The following DMD variants were observed in gnomAD, a reference collection of about 807,000 sequenced individuals.
The protein encoded by DMD is dystrophin.
A neutral mutation model predicts 330.1 loss-of-function variants in DMD; 63 were observed. That is an observed-to-expected ratio of 0.19 (90% CI 0.16 to 0.24). The LOEUF is 0.24. DMD is among the 10% of genes least tolerant of loss of function. The probability of loss-of-function intolerance (pLI) is 1.00; values close to 1 mark genes in which losing one functional copy is unlikely to be tolerated. For synonymous variants in DMD, 1,223 were observed against 959.8 expected (o/e 1.27, Z -5.07); for missense variants, 3,344 against 2,684.1 (o/e 1.25, Z -5.43).
At chrX:32,189,644 A>G (rs1257124417) in intron 44 of DMD, among the ~76,000 whole-genome samples, 1 of 106,807 alleles carries the variant, frequency 9.4e-6, no homozygotes, top group African/African-American at 3.4e-5. Flanking sequence ...TTTTTTTCCT[A>G]TATAACCACA....
At chrX:32,681,803 G>A (rs1322222634) in intron 9 of DMD, among the ~76,000 whole-genome samples, 1 of 111,741 alleles carries the variant, frequency 8.9e-6, no homozygotes, top group Non-Finnish European at 1.9e-5. Context: ...CTACAATGAG[G>A]AAAAAAATTA....
At chrX:33,112,466 G>A (rs977908737) in intron 1 of DMD, among the ~76,000 whole-genome samples, 2 of 111,500 alleles carry the variant, frequency 1.8e-5, no homozygotes, top group Admixed American at 9.6e-5. Context: ...TTCAAAGAGA[G>A]TCTATAACGC....
intron 1 of DMD, among the ~76,000 whole-genome samples, chrX:33,144,139 T>C (rs1356300196): frequency 9.0e-6 from 1 of 111,730 alleles, no homozygotes; most frequent in East Asian, 2.8e-4. Flanking sequence ...TTAAGCAAAT[T>C]TTAGAAATAA....
intron 61 of DMD, among the ~76,000 whole-genome samples, chrX:31,335,606 T>C (rs1601943465): frequency 8.9e-6 from 1 of 111,963 alleles, no homozygotes; most frequent in Non-Finnish European, 1.9e-5. Flanking sequence ...CCCAAAGTCC[T>C]TACCTATTAA....
intron 8 of DMD, 79 bp from the exon 9 acceptor site, chrX:32,698,077 A>T (rs1207207043): frequency 7.3e-5 from 74 of 1,016,293 alleles, no homozygotes; most frequent in Non-Finnish European, 9.4e-5. Context: ...ACTTTCCAAC[A>T]TGGTAGAAAA....
At chrX:32,126,282 T>G (rs1279460038) in intron 44 of DMD, among the ~76,000 whole-genome samples, 3 of 112,125 alleles carry the variant, frequency 2.7e-5, no homozygotes, top group African/African-American at 9.7e-5. Flanking sequence ...GCAGTCCAAG[T>G]TGATTAGGTA....
intron 2 of DMD, among the ~76,000 whole-genome samples, chrX:33,001,730 TATGA>T (rs67588758): frequency 0.39 from 42,286 of 109,796 alleles, 6,320 homozygotes; most frequent in East Asian, 0.47. Flanking sequence ...AAATAATTAA[TATGA>T]ATGAGAAAGG....
chrX:31,223,516 C>G (rs1232690704), intron 63 of DMD, among the ~76,000 whole-genome samples: 2 of 112,538 alleles, frequency 1.8e-5, no homozygotes, highest in Non-Finnish European at 3.8e-5. Flanking sequence ...AGCTATAAGA[C>G]CTTAAACAAT....
rs751537389 is a variant in DMD, at chrX:32,409,960, C to A, written c.4233+1792G>T. Reference sequence around the variant, plus strand: ...TTTCTATACATGTAAGAAAATATTACATAAATGTTGTATCCATAAATATGT... The same window carrying A: ...TTTCTATACATGTAAGAAAATATTAAATAAATGTTGTATCCATAAATATGT... On this transcript the variant is annotated intron_variant, in intron 30 of 78. Coordinates refer to ENST00000357033, the MANE Select transcript of DMD (RefSeq NM_004006.3). Among the ~76,000 whole-genome samples, 10 of 111,570 alleles carry A rather than the reference C, an allele frequency of 9.0e-5. No homozygotes were observed. In the East Asian group the frequency reaches 2.8e-3, roughly 31 times the overall value.
intron 52 of DMD, among the ~76,000 whole-genome samples, chrX:31,721,718 C>CTCTCTCTCTCTCTCTCTCTCTA (rs1227959078): frequency 1.8e-5 from 1 of 56,484 alleles, no homozygotes; most frequent in Non-Finnish European, 3.3e-5. Flanking sequence ...CTCTCTCTCT[C>CTCTCTCTCTCTCTCTCTCTCTA]TATATATATA....
chrX:31,774,975 G>A (rs989439380), intron 50 of DMD, among the ~76,000 whole-genome samples: 2 of 111,420 alleles, frequency 1.8e-5, no homozygotes, highest in African/African-American at 6.5e-5. Flanking sequence ...TAAAATGTCT[G>A]GTAGACAATC....
At chrX:32,545,362 G>C (rs769283373) in intron 16 of DMD, 28 bp from the exon 17 acceptor site, 2 of 1,191,067 alleles carry the variant, frequency 1.7e-6, no homozygotes, top group East Asian at 3.0e-5. Flanking sequence ...ACAGAGGTCA[G>C]ACATTGCTAG....
intron 20 of DMD, among the ~76,000 whole-genome samples, chrX:32,490,874 G>A (rs1267414243): frequency 1.8e-5 from 2 of 111,790 alleles, no homozygotes; most frequent in East Asian, 2.8e-4. Context: ...TAGTTATACT[G>A]CATCCAAGCT....
At chrX:33,323,737 G>A (rs1335188392) in intron 1 of DMD, among the ~76,000 whole-genome samples, 1 of 111,436 alleles carries the variant, frequency 9.0e-6, no homozygotes, top group African/African-American at 3.3e-5. Context: ...TCAAATAATG[G>A]TATTTTATCC....
intron 44 of DMD, among the ~76,000 whole-genome samples, chrX:32,130,388 TTA>T (rs769215571): frequency 6.4e-5 from 7 of 109,914 alleles, no homozygotes; most frequent in East Asian, 2.8e-4. Flanking sequence ...ACACTGAGTT[TTA>T]TATATATATA....
chrX:32,668,699 T>A (rs764619301), intron 9 of DMD, among the ~76,000 whole-genome samples: 3 of 111,310 alleles, frequency 2.7e-5, no homozygotes, highest in Admixed American at 1.9e-4. Flanking sequence ...AGTGATGTCA[T>A]GGTCTCTGCT....
chrX:31,295,065 C>T (rs765957075), intron 62 of DMD, among the ~76,000 whole-genome samples: 4 of 111,141 alleles, frequency 3.6e-5, no homozygotes, highest in South Asian at 3.8e-4. Context: ...AGCGCGATCT[C>T]GGCTCACTGC....
At chrX:32,617,259 A>T (rs2057655480) in intron 11 of DMD, among the ~76,000 whole-genome samples, 1 of 111,655 alleles carries the variant, frequency 9.0e-6, no homozygotes, top group Non-Finnish European at 1.9e-5. Flanking sequence ...GGAAACACTA[A>T]TAATATGGTT....
At chrX:32,118,638 T>C (rs2096621400) in intron 44 of DMD, among the ~76,000 whole-genome samples, 1 of 110,727 alleles carries the variant, frequency 9.0e-6, no homozygotes, top group Admixed American at 9.6e-5. Flanking sequence ...GGCACAGCAA[T>C]CAGTATTTTA....
Sources: allele counts gnomAD v4.1 joint callset (sites outside exome capture counted in the v4.1 genomes callset), GRCh38; gene constraint gnomAD v4.1.1; transcripts MANE v1.5; gene names NCBI Gene and HGNC (gene_info 2026-07-23, HGNC 2026-07-21).